PNPLA5: variants seen among roughly 807,000 people sequenced by gnomAD.
PNPLA5 encodes the protein patatin-like phospholipase domain-containing protein 5.
In PNPLA5, 44 loss-of-function variants were observed where a neutral mutation model predicts 49.1. The ratio of observed to expected loss-of-function variants is 0.90; its 90% CI spans 0.70 to 1.15. The LOEUF (loss-of-function observed/expected upper bound fraction) is 1.15. Ranked by LOEUF, PNPLA5 falls within the 50% of genes most tolerant of loss-of-function variation. PNPLA5 has a pLI of 0.00. For synonymous variants in PNPLA5, 243 were observed against 244.4 expected (o/e 0.99, Z 0.06); for missense variants, 603 against 564.0 (o/e 1.07, Z -0.70).
intron 7 of PNPLA5, among the ~76,000 whole-genome samples, chr22:43,883,064 G>A (rs2049626556): frequency 6.6e-6 from 1 of 152,156 alleles, no homozygotes; most frequent in Admixed American, 6.5e-5. Flanking sequence ...CCTCGAATGG[G>A]CCTTTCTCCC....
chr22:43,889,888 A>C (rs1231966624), intron 2 of PNPLA5, 24 bp from the exon 3 acceptor site: 3 of 1,611,790 alleles, frequency 1.9e-6, no homozygotes, highest in Non-Finnish European at 8.5e-7. Flanking sequence ...AGTCAGCAGG[A>C]ACACAACTGT....
At chr22:43,881,962 G>C (rs946377037) in intron 7 of PNPLA5, among the ~76,000 whole-genome samples, 10 of 152,324 alleles carry the variant, frequency 6.6e-5, no homozygotes, top group Admixed American at 5.2e-4. Flanking sequence ...GGGAGGGAGA[G>C]GGTGGACCTT....
Position 43,891,232 on chromosome 22 carries a change from G to T in PNPLA5, c.256C>A (p.Leu86Met). Reference sequence around the variant, plus strand: ...TCGATGGGCGCGTAGGCCGGGTGCAGGATGCTTAGGCTCAGCCGCTCCAAC... The same window carrying T: ...TCGATGGGCGCGTAGGCCGGGTGCATGATGCTTAGGCTCAGCCGCTCCAAC... ...GQLERLSLSI[L>M]HPAYAPIEHV... Residue 86 changes from leucine (L) to methionine (M), a missense_variant, in exon 2 of 9, where the codon CTG becomes ATG. Physicochemically the swap from Leu to Met is conservative, Grantham distance 15. Transcript: ENST00000216177. 6.4e-7 allele frequency: 1 copy of T among 1,569,966 alleles called. No individual in the cohort carries two copies. The highest frequency in any genetic ancestry group is 8.7e-7 in the Non-Finnish European group (1 of 1,154,670).
At chr22:43,888,381 T>TGTGA (rs72287410) in intron 4 of PNPLA5, among the ~76,000 whole-genome samples, 2 of 113,662 alleles carry the variant, frequency 1.8e-5, no homozygotes, top group African/African-American at 6.1e-5. Context: ...AGTGTGTGTG[T>TGTGA]GTGTGTGTGT....
rs774148047 is a variant in PNPLA5 at position 43,889,821 on chromosome 22, A to C, written c.470T>G (p.Ile157Ser). 5 of 1,613,202 alleles carry C rather than the reference A, an allele frequency of 3.1e-6. No individual in the cohort carries two copies. In the Admixed American group the frequency reaches 8.3e-5, roughly 27 times the overall value. ...TLYFPFYCGL[I>S]PPEFRGERYI... The stretch of plus-strand genomic sequence containing the variant: ...CACCTCCCCTCTGAACTCGGGGGGG[A>C]TCAGCCCGCAGTAGAAAGGAAAGTA... Residue 157 changes from isoleucine (I) to serine (S), a missense_variant, in exon 3 of 9, where the codon ATC becomes AGC. Transcript: ENST00000216177.
At chr22:43,883,185 C>T (rs925206094) in intron 7 of PNPLA5, among the ~76,000 whole-genome samples, 1 of 152,218 alleles carries the variant, frequency 6.6e-6, no homozygotes, top group African/African-American at 2.4e-5. Context: ...TAAGAGTCAT[C>T]TCCTCCGGGC....
In PNPLA5 at chr22:43,887,601, C is replaced by T. The variant is rs1376627669; in HGVS notation, c.753G>A (p.Leu251=). ...RQGYLDALRF[L]ERRGLTKEPV... ...GGGACTGCCACCTACCACGTCTCTC[C>T]AGGAACCTCAGGGCATCCAGGTAGC... is the stretch of plus-strand genomic sequence containing the variant. Residue 251 remains leucine (L), a synonymous_variant, in exon 5 of 9, where the codon CTG becomes CTA. Coordinates refer to ENST00000216177, the MANE Select transcript of PNPLA5 (RefSeq NM_138814.4). 1.2e-6 allele frequency: 2 copies of T among 1,610,302 alleles called. No homozygotes were observed. Among genetic ancestry groups the T allele is most frequent in the South Asian group, 1.1e-5 (1 of 90,098 alleles).
intron 6 of PNPLA5, 189 bp from the exon 7 acceptor site, chr22:43,884,534 G>T: frequency 2.6e-6 from 1 of 390,340 alleles, no homozygotes; most frequent in Non-Finnish European, 3.5e-6. Flanking sequence ...GAGACAAGGG[G>T]TGTATGCCCT....
At chr22:43,889,188 T>C (rs956536025) in intron 4 of PNPLA5, 141 bp downstream of exon 4, 105 of 892,160 alleles carry the variant, frequency 1.2e-4, no homozygotes, top group Non-Finnish European at 1.6e-4. Flanking sequence ...AGGATTCAGG[T>C]GTTTGGCTGT....
In PNPLA5 at chr22:43,881,721, G is replaced by T. The variant is rs377489963; in HGVS notation, c.1083-47C>A. ...CTTTGCCCAGGTGAGCCTGGGGTGTGGCCCCACCAAGCCCACCCTCCCCAT... is the reference window on the plus strand; with the variant it reads ...CTTTGCCCAGGTGAGCCTGGGGTGTTGCCCCACCAAGCCCACCCTCCCCAT... On this transcript the variant is annotated intron_variant, in intron 7 of 8. Coordinates refer to ENST00000216177, the MANE Select transcript of PNPLA5 (RefSeq NM_138814.4). 1.6e-5 allele frequency: 25 copies of T among 1,595,268 alleles called. No individual in the cohort carries two copies. In the East Asian group the frequency reaches 1.8e-4, roughly 12 times the overall value.
intron 5 of PNPLA5, 122 bp downstream of exon 5, chr22:43,887,469 A>G: frequency 8.4e-7 from 1 of 1,191,646 alleles, no homozygotes. Flanking sequence ...TCCAGCACAG[A>G]GCAGATGATG....
At chr22:43,884,161 C>T (rs2049638151) in intron 7 of PNPLA5, 52 bp downstream of exon 7, 18 of 1,456,466 alleles carry the variant, frequency 1.2e-5, no homozygotes, top group Non-Finnish European at 1.6e-5. Context: ...GCCATGGGCA[C>T]CAGTCTCCGC....
Position 43,889,492 on chromosome 22 carries a change from C to T in PNPLA5, c.539G>A (p.Cys180Tyr). Residue 180 changes from cysteine (C) to tyrosine (Y), a missense_variant, in exon 4 of 9, where the codon TGC (cysteine) becomes TAC (tyrosine). Coordinates refer to ENST00000216177, the MANE Select transcript of PNPLA5 (RefSeq NM_138814.4). ...GGGCGACACCGTGATGGTGGAGGGG[C>T]AGTCTGCAAAGGGCAAGTTGTTGCT... is the stretch of plus-strand genomic sequence containing the variant. ...ALSNNLPFADCPSTITVSPFH... is the reference protein window; with the variant it reads ...ALSNNLPFADYPSTITVSPFH... The T allele has an allele frequency of 6.2e-7, 1 of 1,613,778 alleles. No individual in the cohort carries two copies. Among genetic ancestry groups the T allele is most frequent in the Non-Finnish European group, 8.5e-7 (1 of 1,179,850 alleles).
chr22:43,888,281 A>G (rs954382323), intron 4 of PNPLA5, among the ~76,000 whole-genome samples: 8 of 152,030 alleles, frequency 5.3e-5, no homozygotes, highest in Admixed American at 5.2e-4. Context: ...GAGTAAATGA[A>G]CATGACTTTG....
chr22:43,882,102 C>T (rs2049616498), intron 7 of PNPLA5, among the ~76,000 whole-genome samples: 3 of 152,274 alleles, frequency 2.0e-5, no homozygotes, highest in Admixed American at 6.5e-5. Context: ...TCCTTATCGC[C>T]GTCCATTTCT....
chr22:43,888,374 G>A (rs562319077), intron 4 of PNPLA5, among the ~76,000 whole-genome samples: 4 of 77,136 alleles, frequency 5.2e-5, no homozygotes, highest in Non-Finnish European at 8.7e-5. Context: ...GCAGAGGAGT[G>A]TGTGTGTGTG....
At chr22:43,887,074 C>CACAT (rs1344584094) in intron 5 of PNPLA5, among the ~76,000 whole-genome samples, 8 of 151,690 alleles carry the variant, frequency 5.3e-5, no homozygotes, top group Non-Finnish European at 8.8e-5. Context: ...CCCATGAACA[C>CACAT]ACACACACAC....
At position 43,891,735 on chromosome 22, in the gene PNPLA5, G is replaced by T. The variant is rs1461515194; in HGVS notation, c.146C>A (p.Ser49Ter). 2.6e-6 allele frequency: 4 copies of T among 1,547,460 alleles called. No individual in the cohort carries two copies. In the African/African-American group the frequency reaches 4.1e-5, roughly 16 times the overall value. The part of the protein sequence containing the change: ...LQGARRIYGS[S>*]SGALNAVSIV... The stretch of plus-strand genomic sequence containing the variant: ...GCTGACTGCGTTGAGCGCCCCAGAC[G>T]AGGAACCGTAGATGCGGCGGGCGCC... Residue 49 changes from serine (S) to a stop codon, truncating the protein, a stop_gained, in exon 1 of 9, where the codon TCG (serine) becomes TAG (stop). Transcript: ENST00000216177. LOFTEE classifies it high-confidence loss of function.
At chr22:43,881,282 C>T (rs1003841246) in intron 8 of PNPLA5, among the ~76,000 whole-genome samples, 8 of 152,190 alleles carry the variant, frequency 5.3e-5, no homozygotes, top group Non-Finnish European at 1.2e-4. Flanking sequence ...CTGGTGAAGC[C>T]GCAAGAGGCA....
Sources: allele counts gnomAD v4.1 joint callset (sites outside exome capture counted in the v4.1 genomes callset), GRCh38; gene constraint gnomAD v4.1.1; transcripts MANE v1.5; gene names NCBI Gene and HGNC (gene_info 2026-07-23, HGNC 2026-07-21).